The following SAMMSON variants were observed in gnomAD, a reference collection of about 807,000 sequenced individuals.
SAMMSON encodes the protein long intergenic non-protein coding RNA 1212.
intron 7 of SAMMSON, among the ~76,000 whole-genome samples, chr3:70,327,570 T>C (rs930253433): frequency 6.6e-6 from 1 of 152,148 alleles, no homozygotes; most frequent in Non-Finnish European, 1.5e-5. Flanking sequence ...CAGCAAAATA[T>C]GGCTCAATCC....
At chr3:70,253,225 G>C (rs188419211) in intron 6 of SAMMSON, among the ~76,000 whole-genome samples, 49 of 152,194 alleles carry the variant, frequency 3.2e-4, no homozygotes, top group Non-Finnish European at 1.5e-5. Flanking sequence ...TACTGAGAAG[G>C]TGCCTTTTAG....
At chr3:70,080,456 A>G (rs2067263886) in intron 4 of SAMMSON, among the ~76,000 whole-genome samples, 2 of 152,160 alleles carry the variant, frequency 1.3e-5, no homozygotes, top group Non-Finnish European at 2.9e-5. Context: ...TGAAACAGTA[A>G]TGGGGAATGA....
intron 3 of SAMMSON, among the ~76,000 whole-genome samples, chr3:70,039,593 T>TCA (rs56058406): frequency 0.04 from 5,351 of 135,440 alleles, 104 homozygotes; most frequent in South Asian, 0.07. Context: ...ACACATCTCT[T>TCA]CACACACACA....
chr3:70,096,369 C>T (rs1290312032), intron 4 of SAMMSON, among the ~76,000 whole-genome samples: 1 of 152,114 alleles, frequency 6.6e-6, no homozygotes, highest in Non-Finnish European at 1.5e-5. Context: ...CATACTGGGA[C>T]CTCGTCTCTA....
At chr3:70,406,249 C>A (rs1263050390) in intron 2 of SAMMSON, among the ~76,000 whole-genome samples, 1 of 152,016 alleles carries the variant, frequency 6.6e-6, no homozygotes, top group Non-Finnish European at 1.5e-5. Context: ...AGAAATAATT[C>A]TAACCAGAAG....
At chr3:70,114,728 G>T (rs940974286) in intron 4 of SAMMSON, among the ~76,000 whole-genome samples, 1 of 152,168 alleles carries the variant, frequency 6.6e-6, no homozygotes, top group Non-Finnish European at 1.5e-5. Context: ...CAAAGGCCAA[G>T]TAGAGATGAT....
intron 6 of SAMMSON, among the ~76,000 whole-genome samples, chr3:70,284,521 G>C (rs1437633373): frequency 1.3e-5 from 2 of 152,084 alleles, no homozygotes; most frequent in Non-Finnish European, 1.5e-5. Context: ...TGATAGACTG[G>C]ATCAAGAAAA....
At chr3:70,198,807 C>A (rs1028563082) in intron 4 of SAMMSON, among the ~76,000 whole-genome samples, 2 of 152,208 alleles carry the variant, frequency 1.3e-5, no homozygotes, top group Non-Finnish European at 1.5e-5. Context: ...TTTTTCTTCA[C>A]TTAGAGCCAG....
chr3:70,100,336 C>T (rs748516972), intron 4 of SAMMSON, among the ~76,000 whole-genome samples: 11 of 151,848 alleles, frequency 7.2e-5, no homozygotes, highest in African/African-American at 2.2e-4. Context: ...TTTGTAGAGA[C>T]GAGGTTTCAC....
chr3:70,145,658 A>AAAAAC (rs2067545609), intron 4 of SAMMSON, among the ~76,000 whole-genome samples: 1 of 152,104 alleles, frequency 6.6e-6, no homozygotes, highest in Admixed American at 6.6e-5. Context: ...AAACAAAAAT[A>AAAAAC]AAAACAAAAC....
intron 4 of SAMMSON, among the ~76,000 whole-genome samples, chr3:70,242,309 A>G (rs1475409249): frequency 6.6e-6 from 1 of 152,224 alleles, no homozygotes; most frequent in Non-Finnish European, 1.5e-5. Flanking sequence ...GGAAAAACAC[A>G]TAGTGACATC....
chr3:70,326,796 A>T (rs772341881), intron 7 of SAMMSON, among the ~76,000 whole-genome samples: 3 of 152,194 alleles, frequency 2.0e-5, no homozygotes, highest in Non-Finnish European at 4.4e-5. Flanking sequence ...ACAGTCATGG[A>T]TAAGGTTTTA....
At chr3:70,409,019 G>C (rs1268949110) in intron 2 of SAMMSON, among the ~76,000 whole-genome samples, 1 of 152,098 alleles carries the variant, frequency 6.6e-6, no homozygotes, top group East Asian at 1.9e-4. Context: ...AAAACCATCA[G>C]ATCTACTGAG....
chr3:70,223,483 G>A (rs1701477629), intron 4 of SAMMSON, among the ~76,000 whole-genome samples: 1 of 152,046 alleles, frequency 6.6e-6, no homozygotes, highest in Non-Finnish European at 1.5e-5. Flanking sequence ...TTTCCTTCCT[G>A]AGCAAAAGTT....
chr3:70,156,717 A>C (rs947458468), intron 4 of SAMMSON, among the ~76,000 whole-genome samples: 2 of 152,086 alleles, frequency 1.3e-5, no homozygotes, highest in African/African-American at 4.8e-5. Context: ...TGATGTCTAA[A>C]CTTCTGGAAA....
At chr3:70,395,889 A>G (rs1225020933) in intron 2 of SAMMSON, among the ~76,000 whole-genome samples, 1 of 152,170 alleles carries the variant, frequency 6.6e-6, no homozygotes, top group Non-Finnish European at 1.5e-5. Context: ...CTTGGAAACC[A>G]GACAACCTGG....
At chr3:70,096,816 G>T (rs2067324568) in intron 4 of SAMMSON, among the ~76,000 whole-genome samples, 1 of 152,156 alleles carries the variant, frequency 6.6e-6, no homozygotes, top group South Asian at 2.1e-4. Context: ...TGTATGTCTA[G>T]AATAGCGTTG....
chr3:70,142,221 A>T (rs2067530367), intron 4 of SAMMSON, among the ~76,000 whole-genome samples: 1 of 152,200 alleles, frequency 6.6e-6, no homozygotes, highest in Non-Finnish European at 1.5e-5. Flanking sequence ...CGAAAAAGAT[A>T]CTTGCATATG....
intron 7 of SAMMSON, among the ~76,000 whole-genome samples, chr3:70,342,224 A>G (rs1369829380): frequency 1.3e-5 from 2 of 152,182 alleles, no homozygotes; most frequent in Non-Finnish European, 2.9e-5. Context: ...GACAGAATGC[A>G]CTGTTTTTTT....
Sources: allele counts gnomAD v4.1 joint callset (sites outside exome capture counted in the v4.1 genomes callset), GRCh38; gene constraint gnomAD v4.1.1; transcripts MANE v1.5; gene names NCBI Gene and HGNC (gene_info 2026-07-23, HGNC 2026-07-21).